The following DCBLD2 variants were observed in gnomAD, a reference collection of about 807,000 sequenced individuals.
DCBLD2 encodes the protein discoidin, CUB and LCCL domain-containing protein 2.
In DCBLD2, 54 loss-of-function variants were observed where a neutral mutation model predicts 86.8. The observed-to-expected ratio is 0.62, with a 90% CI of 0.50 to 0.78. The LOEUF is 0.78. Ranked by LOEUF, DCBLD2 falls within the 30% of genes least tolerant of loss-of-function variation. The pLI is 0.00. For missense variants in DCBLD2, 908 were observed against 954.2 expected (o/e 0.95, Z 0.64); for synonymous variants, 354 against 341.3 (o/e 1.04, Z -0.41).
chr3:98,810,833 A>C (rs1941925874), intron 12 of DCBLD2, among the ~76,000 whole-genome samples: 2 of 152,082 alleles, frequency 1.3e-5, no homozygotes, highest in South Asian at 4.1e-4. Context: ...CCATCAAATT[A>C]ATATATTATC....
At chr3:98,894,932 G>T (rs1943726722) in intron 1 of DCBLD2, among the ~76,000 whole-genome samples, 1 of 152,036 alleles carries the variant, frequency 6.6e-6, no homozygotes, top group African/African-American at 2.4e-5. Flanking sequence ...GTATTATCCG[G>T]AGATGAGTGT....
chr3:98,857,674 G>A (rs988662617), intron 2 of DCBLD2, among the ~76,000 whole-genome samples: 4 of 152,182 alleles, frequency 2.6e-5, no homozygotes, highest in Non-Finnish European at 2.9e-5. Context: ...ACACAGTGCC[G>A]ATTGGTGTAT....
At chr3:98,812,110 G>A (rs1229324730) in intron 10 of DCBLD2, among the ~76,000 whole-genome samples, 1 of 152,098 alleles carries the variant, frequency 6.6e-6, no homozygotes, top group East Asian at 1.9e-4. Flanking sequence ...ATTATCTTAT[G>A]AATGATGCTA....
intron 1 of DCBLD2, among the ~76,000 whole-genome samples, chr3:98,890,231 T>A (rs1036029976): frequency 6.6e-6 from 1 of 152,034 alleles, no homozygotes; most frequent in Non-Finnish European, 1.5e-5. Flanking sequence ...GGGTGGGCCC[T>A]AATCCAACAA....
Position 98,819,166 on chromosome 3 carries a change from G to A in DCBLD2, c.1087+36C>T, listed in dbSNP as rs530180099. 2.2e-5 allele frequency: 34 copies of A among 1,521,630 alleles called. No individual in the cohort carries two copies. In the Middle Eastern group the frequency reaches 7.0e-4, roughly 31 times the overall value. The allele number at this position is 1,521,630 out of a possible 1,614,324, so 94.3% of individuals were successfully genotyped here. On this transcript the variant is annotated intron_variant, in intron 8 of 15. Transcript: ENST00000326840. Reference sequence around the variant, plus strand: ...TACTAGTTTTTCAAATAAAATAAGTGTTACAAATTGCTTTAGAAAATTTTT... The same window carrying A: ...TACTAGTTTTTCAAATAAAATAAGTATTACAAATTGCTTTAGAAAATTTTT...
At chr3:98,887,887 A>G (rs1017732454) in intron 1 of DCBLD2, among the ~76,000 whole-genome samples, 3 of 151,966 alleles carry the variant, frequency 2.0e-5, no homozygotes, top group African/African-American at 2.4e-5. Flanking sequence ...CCTGGTGTAC[A>G]TTCTATAGGT....
chr3:98,801,704 G>C, intron 13 of DCBLD2, 55 bp from the exon 14 acceptor site: 1 of 1,379,612 alleles, frequency 7.2e-7, no homozygotes, highest in South Asian at 1.3e-5. Context: ...TGGTAAGCCT[G>C]CTCCCCCTAC....
intron 3 of DCBLD2, among the ~76,000 whole-genome samples, chr3:98,846,167 A>C (rs1942717616): frequency 1.3e-5 from 2 of 152,216 alleles, no homozygotes; most frequent in South Asian, 4.1e-4. Context: ...AATGAGAATT[A>C]GTCTATCTCA....
intron 2 of DCBLD2, among the ~76,000 whole-genome samples, chr3:98,854,914 T>C (rs1419306607): frequency 2.6e-5 from 4 of 152,176 alleles, no homozygotes; most frequent in African/African-American, 9.6e-5. Flanking sequence ...GTGGAAAACT[T>C]TGAGAAGAGC....
chr3:98,869,200 A>T (rs1449884716), intron 2 of DCBLD2, among the ~76,000 whole-genome samples: 1 of 152,090 alleles, frequency 6.6e-6, no homozygotes, highest in Admixed American at 6.5e-5. Flanking sequence ...TTCTGTGATG[A>T]CTAGTGATGT....
chr3:98,866,636 T>A (rs1256782376), intron 2 of DCBLD2, among the ~76,000 whole-genome samples: 1 of 152,150 alleles, frequency 6.6e-6, no homozygotes, highest in Non-Finnish European at 1.5e-5. Context: ...ATTGCAAAAA[T>A]TTTCTCCCAT....
chr3:98,883,597 T>C (rs1411267422), intron 1 of DCBLD2, among the ~76,000 whole-genome samples: 4 of 152,194 alleles, frequency 2.6e-5, no homozygotes, highest in Non-Finnish European at 1.5e-5. Context: ...GAAAAATTAA[T>C]GTTCATTTAG....
At chr3:98,867,464 A>C (rs1315773217) in intron 2 of DCBLD2, among the ~76,000 whole-genome samples, 37 of 152,172 alleles carry the variant, frequency 2.4e-4, no homozygotes, top group Admixed American at 2.4e-3. Flanking sequence ...AATATGTACA[A>C]TTTTCATGTC....
At chr3:98,856,347 T>A (rs1263915313) in intron 2 of DCBLD2, among the ~76,000 whole-genome samples, 1 of 151,290 alleles carries the variant, frequency 6.6e-6, no homozygotes, top group Non-Finnish European at 1.5e-5. Flanking sequence ...ATATATGCAA[T>A]CTCTCCCGAA....
chr3:98,870,137 C>G (rs1158053328), intron 2 of DCBLD2, among the ~76,000 whole-genome samples: 10 of 152,124 alleles, frequency 6.6e-5, no homozygotes. Context: ...GATAGGGAAC[C>G]AGTTTCATTC....
rs550602067 is a variant in DCBLD2 at position 98,843,487 on chromosome 3, C to T, written c.571+5974G>A. On this transcript the variant is annotated intron_variant, in intron 3 of 15. Coordinates refer to ENST00000326840, the MANE Select transcript of DCBLD2 (RefSeq NM_080927.4). Reference sequence around the variant, plus strand: ...CACACTCTATTTTCAAAGCCGAAAACATTCCATGCAGGAAAAAAATAACCG... The same window carrying T: ...CACACTCTATTTTCAAAGCCGAAAATATTCCATGCAGGAAAAAAATAACCG... Among the ~76,000 whole-genome samples the T allele has an allele frequency of 1.2e-4, 18 of 152,190 alleles. 1 individual carries two copies. The highest frequency in any genetic ancestry group is 4.3e-4 in the African/African-American group (18 of 41,536).
intron 12 of DCBLD2, among the ~76,000 whole-genome samples, chr3:98,810,629 C>T (rs2107434238): frequency 6.6e-6 from 1 of 152,200 alleles, no homozygotes; most frequent in South Asian, 2.1e-4. Context: ...CCTTATTTAT[C>T]ACTGATAACA....
chr3:98,799,913 G>A (rs2107415094), intron 15 of DCBLD2, 72 bp from the exon 16 acceptor site: 1 of 1,272,698 alleles, frequency 7.9e-7, no homozygotes, highest in Non-Finnish European at 1.1e-6. Flanking sequence ...GGTGGCAGCT[G>A]CAGATTATAC....
intron 3 of DCBLD2, 101 bp downstream of exon 3, chr3:98,849,360 G>T: frequency 7.0e-7 from 1 of 1,436,736 alleles, no homozygotes; most frequent in African/African-American, 1.4e-5. Context: ...CAGTCTTTCT[G>T]CTCTATTCCA....
Sources: gnomAD v4.1 joint callset for allele counts (sites outside exome capture counted in the v4.1 genomes callset) on GRCh38, gnomAD v4.1.1 for gene constraint, MANE v1.5 for transcripts, NCBI Gene and HGNC (gene_info 2026-07-23, HGNC 2026-07-21) for gene names.